The following CYP20A1 variants were observed in gnomAD, a reference collection of about 807,000 sequenced individuals.
CYP20A1 encodes the protein cytochrome P450 20A1.
CYP20A1 carries 61 observed loss-of-function variants against 61.4 expected under a neutral mutation model. The observed-to-expected ratio is 0.99, with a 90% CI of 0.81 to 1.23. The LOEUF (loss-of-function observed/expected upper bound fraction) is 1.23, where lower values mean the gene tolerates loss of function less well. Among genes scored for constraint, CYP20A1 ranks in the 50% most tolerant of loss-of-function variants. CYP20A1 has a pLI of 0.00. For synonymous variants in CYP20A1, 193 were observed against 188.2 expected, an observed-to-expected ratio of 1.03 and a Z score of -0.21; for missense variants, 530 against 542.4, an observed-to-expected ratio of 0.98 and a Z score of 0.23.
chr2:203,283,716 T>C (rs979338654), intron 8 of CYP20A1, among the ~76,000 whole-genome samples: 5 of 151,084 alleles, frequency 3.3e-5, no homozygotes, highest in Non-Finnish European at 7.4e-5. Flanking sequence ...GCCCAGCTAA[T>C]TTTTGTATTT....
chr2:203,261,997 A>G (rs2067156265), intron 4 of CYP20A1, among the ~76,000 whole-genome samples: 1 of 152,046 alleles, frequency 6.6e-6, no homozygotes, highest in South Asian at 2.1e-4. Flanking sequence ...GGGAGGGCTG[A>G]TGGGGGAAGC....
chr2:203,298,758 G>A lies in CYP20A1; in HGVS notation c.*1850G>A, dbSNP rs925176148. Among the ~76,000 whole-genome samples the A allele has an allele frequency of 2.0e-5, 3 of 151,742 alleles. No homozygotes were observed. The highest frequency in any genetic ancestry group is 6.6e-5 in the Admixed American group (1 of 15,190). On this transcript the variant is annotated 3_prime_UTR_variant, in exon 13 of 13. Coordinates refer to ENST00000356079, the MANE Select transcript of CYP20A1 (RefSeq NM_177538.3). ...TTTCAAGAATATTTTAAGTAGGCTGGGCACGGTAGCTCATGCCTGTTATCC... is the reference window on the plus strand; with the variant it reads ...TTTCAAGAATATTTTAAGTAGGCTGAGCACGGTAGCTCATGCCTGTTATCC...
At position 203,252,036 on chromosome 2, in the gene CYP20A1, A is replaced by G. The variant is rs761704052; in HGVS notation, c.359A>G (p.Asn120Ser). The G allele has an allele frequency of 6.8e-6, 11 of 1,611,276 alleles. No individual in the cohort carries two copies. Among genetic ancestry groups the G allele is most frequent in the South Asian group, 1.1e-5 (1 of 90,788 alleles). ...YQSGGGSVSE[N>S]HMRKKLYENG... The stretch of plus-strand genomic sequence containing the variant: ...TCTGGTGGTGGCAGTGTGAGTGAAA[A>G]CCACATGAGGAAAAAATTGTATGAA... The change falls in exon 4 of 13, where the codon AAC becomes AGC. Residue 120 changes from asparagine to serine, a missense_variant. Coordinates refer to ENST00000356079, the MANE Select transcript of CYP20A1 (RefSeq NM_177538.3).
rs1287277018 is a variant in CYP20A1 at position 203,272,744 on chromosome 2, A to G, written c.675A>G (p.Glu225=). The G allele has an allele frequency of 6.3e-7, 1 of 1,592,620 alleles. No homozygotes were observed. The highest frequency in any genetic ancestry group is 8.5e-7 in the Non-Finnish European group (1 of 1,170,580). The part of the protein sequence containing the change: ...DKNMTRKKQY[E]DALMQLESVL... ...ACATGACTCGGAAAAAACAATATGA[A>G]GATGGTAAGTTTGGTCACTTAATTT... Residue 225 remains glutamate, a synonymous_variant, in exon 6 of 13, where the codon GAA becomes GAG. Transcript: ENST00000356079.
chr2:203,250,989 G>A lies in CYP20A1; in HGVS notation c.290-978G>A, dbSNP rs180724481. Among the ~76,000 whole-genome samples the A allele has an allele frequency of 8.4e-3, 1,259 of 150,146 alleles. 21 individuals carry two copies. The highest frequency in any genetic ancestry group is 0.028 in the African/African-American group (1,144 of 40,706). ...TGAGGCAGGAGAATGGCGTGAACCC[G>A]GGAGGCGGAGCTTGCGGTGAGCCAA... On this transcript the variant is annotated intron_variant, in intron 3 of 12. Transcript: ENST00000356079.
In CYP20A1 at chr2:203,302,838, G is replaced by A. The variant is rs901545969; in HGVS notation, c.*5930G>A. Among the ~76,000 whole-genome samples the A allele has an allele frequency of 3.3e-5, 5 of 150,516 alleles. No individual in the cohort carries two copies. The highest frequency in any genetic ancestry group is 5.9e-5 in the Non-Finnish European group (4 of 67,696). On this transcript the variant is annotated 3_prime_UTR_variant, in exon 13 of 13. Transcript: ENST00000356079. ...CTTTTGAGTAACTGGGGTTACAGGCGCGTGCCATCACACCCAGCTCATTTT... is the reference window on the plus strand; with the variant it reads ...CTTTTGAGTAACTGGGGTTACAGGCACGTGCCATCACACCCAGCTCATTTT...
chr2:203,250,882 G>A (rs1165339852), intron 3 of CYP20A1, among the ~76,000 whole-genome samples: 1 of 151,772 alleles, frequency 6.6e-6, no homozygotes, highest in Non-Finnish European at 1.5e-5. Flanking sequence ...GGCTAACACG[G>A]TGAAACCCCA....
At chr2:203,240,446 G>A (rs1401241913) in intron 1 of CYP20A1, among the ~76,000 whole-genome samples, 1 of 152,168 alleles carries the variant, frequency 6.6e-6, no homozygotes, top group South Asian at 2.1e-4. Context: ...GAAACAAACC[G>A]GACAGAAAAT....
intron 4 of CYP20A1, among the ~76,000 whole-genome samples, chr2:203,263,623 C>T (rs555186223): frequency 1.3e-5 from 2 of 152,284 alleles, no homozygotes; most frequent in South Asian, 4.1e-4. Context: ...TTTCCATTAT[C>T]ATTTAGTTCA....
chr2:203,296,653 T>A, intron 12 of CYP20A1, 90 bp downstream of exon 12: 2 of 1,411,212 alleles, frequency 1.4e-6, no homozygotes, highest in Non-Finnish European at 1.9e-6. Context: ...AGTATTATTT[T>A]TTTATTATTA....
rs1474040380 is a variant in CYP20A1 at position 203,294,940 on chromosome 2, AATTT to A, written c.1149-1533_1149-1530del. Reference sequence around the variant, plus strand: ...AGCCACTGTGCCCAGCCTTTAAAAAAATTTTTTTTTTTTTTTTTTTTTTTTTTTT... The same window carrying A: ...AGCCACTGTGCCCAGCCTTTAAAAAATTTTTTTTTTTTTTTTTTTTTTTTT... On this transcript the variant is annotated intron_variant, in intron 11 of 12. Coordinates refer to ENST00000356079, the MANE Select transcript of CYP20A1 (RefSeq NM_177538.3). Among the ~76,000 whole-genome samples, 832 of 91,120 alleles carry A rather than the reference AATTT, an allele frequency of 9.1e-3. 89 individuals carry two copies. The highest frequency in any genetic ancestry group is 0.029 in the South Asian group (81 of 2,830). 59.8% of individuals were successfully genotyped at this position (91,120 alleles called of 152,430 possible).
chr2:203,290,075 G>A (rs2152108919), intron 10 of CYP20A1, among the ~76,000 whole-genome samples, 199 bp downstream of exon 10: 1 of 152,054 alleles, frequency 6.6e-6, no homozygotes, highest in African/African-American at 2.4e-5. Context: ...CGAGTAGCGG[G>A]GATTACAGGC....
intron 6 of CYP20A1, among the ~76,000 whole-genome samples, chr2:203,275,594 C>T (rs768371084): frequency 3.3e-5 from 5 of 152,024 alleles, no homozygotes; most frequent in Non-Finnish European, 7.4e-5. Context: ...CGCCTGCCGC[C>T]GTGCTCAAAT....
At chr2:203,289,295 T>G (rs2068431833) in intron 9 of CYP20A1, among the ~76,000 whole-genome samples, 1 of 152,188 alleles carries the variant, frequency 6.6e-6, no homozygotes, top group African/African-American at 2.4e-5. Flanking sequence ...TTAATTACTT[T>G]TAAAGAGGTT....
chr2:203,255,728 C>T (rs1015770580), intron 4 of CYP20A1, among the ~76,000 whole-genome samples: 1 of 152,140 alleles, frequency 6.6e-6, no homozygotes, highest in Non-Finnish European at 1.5e-5. Flanking sequence ...TGGTTTCCCA[C>T]ATTCTCATTT....
Position 203,298,760 on chromosome 2 carries a change from C to T in CYP20A1, c.*1852C>T, listed in dbSNP as rs968690612. On this transcript the variant is annotated 3_prime_UTR_variant, in exon 13 of 13. Transcript: ENST00000356079. The stretch of plus-strand genomic sequence containing the variant: ...TCAAGAATATTTTAAGTAGGCTGGG[C>T]ACGGTAGCTCATGCCTGTTATCCTA... Among the ~76,000 whole-genome samples the T allele has an allele frequency of 6.6e-6, 1 of 150,910 alleles. No homozygotes were observed. The highest frequency in any genetic ancestry group is 2.4e-5 in the African/African-American group (1 of 41,044).
At chr2:203,294,559 TCA>T (rs1401292393) in intron 11 of CYP20A1, among the ~76,000 whole-genome samples, 1 of 151,944 alleles carries the variant, frequency 6.6e-6, no homozygotes, top group Admixed American at 6.6e-5. Flanking sequence ...ATGATAATAA[TCA>T]CACATATATA....
intron 4 of CYP20A1, among the ~76,000 whole-genome samples, chr2:203,261,085 T>C (rs1559092396): frequency 6.6e-6 from 1 of 152,018 alleles, no homozygotes. Context: ...TTAAGAATTA[T>C]AGGCTGAGCA....
chr2:203,272,550 CAAAA>C (rs368688435), intron 5 of CYP20A1, 116 bp from the exon 6 acceptor site: 332 of 132,150 alleles, frequency 2.5e-3, no homozygotes, highest in South Asian at 6.9e-3. Context: ...AACCCTGACT[CAAAA>C]AAAAAAAAAA....
Sources: allele counts gnomAD v4.1 joint callset (sites outside exome capture counted in the v4.1 genomes callset), GRCh38; gene constraint gnomAD v4.1.1; transcripts MANE v1.5; gene names NCBI Gene and HGNC (gene_info 2026-07-23, HGNC 2026-07-21).